The following ZSWIM8 variants were observed in gnomAD, a reference collection of about 807,000 sequenced individuals.
ZSWIM8 encodes the protein zinc finger SWIM-type containing 8.
ZSWIM8 carries 27 observed loss-of-function variants against 173.7 expected under a neutral mutation model. The ratio of observed to expected loss-of-function variants is 0.16; its 90% confidence interval spans 0.11 to 0.21. The LOEUF (loss-of-function observed/expected upper bound fraction) is 0.21, where lower values mean the gene tolerates loss of function less well. ZSWIM8 is among the 10% of genes least tolerant of loss of function. The pLI, the probability that ZSWIM8 is intolerant of heterozygous loss-of-function variation, is 1.00. For missense variants in ZSWIM8, 1,627 were observed against 2,428.8 expected, an observed-to-expected ratio of 0.67 and a Z score of 6.94; for synonymous variants, 958 against 962.0, an observed-to-expected ratio of 1.00 and a Z score of 0.08.
At position 73,801,109 on chromosome 10, in the gene ZSWIM8, C is replaced by T. The variant is rs1366634671; in HGVS notation, c.5215C>T (p.Arg1739Trp). The T allele has an allele frequency of 7.0e-6, 11 of 1,578,526 alleles. No individual in the cohort carries two copies. Among genetic ancestry groups the T allele is most frequent in the African/African-American group, 2.7e-5 (2 of 73,976 alleles). The change falls in exon 25 of 26, where the codon CGG (arginine) becomes TGG (tryptophan). Residue 1739 changes from arginine (R) to tryptophan (W), a missense_variant. By Grantham distance (101) the Arg-to-Trp change is moderately radical. Transcript: ENST00000604729. The surrounding 1 kb of genome is among the most constrained non-coding windows in gnomAD (Gnocchi z 4.9). ...LQEIVMETLQ[R>W]LSPAHAHNHL... ...GGAGATCGTCATGGAGACGCTGCAG[C>T]GGCTGAGTCCCGCTCATGCCCACAA...
intron 19 of ZSWIM8, 36 bp downstream of exon 19, chr10:73,798,106 G>C (rs1565085420): frequency 1.2e-6 from 2 of 1,606,802 alleles, no homozygotes; most frequent in Non-Finnish European, 8.5e-7. Flanking sequence ...ATGGGAGGGG[G>C]ATTAATTGGT....
chr10:73,794,178 C>T lies in ZSWIM8; in HGVS notation c.2657C>T (p.Ala886Val). ...VKLAYQESEVAALLKKIPLGP... is the reference protein window; with the variant it reads ...VKLAYQESEVVALLKKIPLGP... The stretch of plus-strand genomic sequence containing the variant: ...CTGGCATACCAGGAGTCTGAGGTGG[C>T]TGCCCTGCTCAAGAAGATCCCTCTG... Residue 886 changes from alanine (A) to valine (V), a missense_variant, in exon 13 of 26, where the codon GCT becomes GTT. Around this residue, in one of 18 missense-constraint regions of ZSWIM8, gnomAD observed 169 missense variants for 235.3 expected, o/e 0.72. Transcript: ENST00000604729. 6.2e-7 allele frequency: 1 copy of T among 1,614,048 alleles called. No homozygotes were observed. Among genetic ancestry groups the T allele is most frequent in the Non-Finnish European group, 8.5e-7 (1 of 1,179,898 alleles).
chr10:73,799,729 G>A (rs1316362519), intron 21 of ZSWIM8: 5 of 656,138 alleles, frequency 7.6e-6, no homozygotes, highest in South Asian at 1.9e-5. Context: ...TCAGGAGTTC[G>A]AGACCAGCCT....
At position 73,785,825 on chromosome 10, in the gene ZSWIM8, G is replaced by A. The variant is rs1189200061; in HGVS notation, c.-54G>A. ...GGCCTCCCCTCAACCCCCGGCCGGC[G>A]GCCCAGGCCCCGGATCCGCGGGGGG... is the stretch of plus-strand genomic sequence containing the variant. On this transcript the variant is annotated 5_prime_UTR_variant, in exon 1 of 26. Coordinates refer to ENST00000604729, the MANE Select transcript of ZSWIM8 (RefSeq NM_001367799.1). The A allele has an allele frequency of 6.9e-7, 1 of 1,455,334 alleles. No homozygotes were observed. The allele number at this position is 1,455,334 out of a possible 1,614,324, so 90.2% of individuals were successfully genotyped here. A position where few individuals can be genotyped will look rare whatever the true frequency, so the allele number is the denominator to read the frequency against.
In ZSWIM8 at chr10:73,800,691, A is replaced by C. The variant is rs373762723; in HGVS notation, c.5054A>C (p.Asn1685Thr). Residue 1685 changes from asparagine (N) to threonine (T), a missense_variant, in exon 24 of 26, where the codon AAC becomes ACC. By Grantham distance (65) the Asn-to-Thr change is moderately conservative. This residue lies in a region of ZSWIM8 where 30 missense variants were observed against 20.9 expected (regional missense o/e 1.44). Transcript: ENST00000604729. The surrounding 1 kb of genome is among the most constrained non-coding windows in gnomAD (Gnocchi z 4.1). ...LGRRAHNDHP[N>T]NFSRSPPYTD... is the part of the protein sequence containing the mutation. Reference sequence around the variant, plus strand: ...CGCCGGGCACACAACGATCACCCCAACAACTTCTCCCGCTCCCCCCCCTAC... The same window carrying C: ...CGCCGGGCACACAACGATCACCCCACCAACTTCTCCCGCTCCCCCCCCTAC... 7 of 1,613,448 alleles carry C rather than the reference A, an allele frequency of 4.3e-6. No individual in the cohort carries two copies. The East Asian group carries it at 1.6e-4, about 36-fold the overall frequency.
rs750599421 is a variant in ZSWIM8, at chr10:73,797,554, G to T, written c.3611G>T (p.Arg1204Leu). The T allele has an allele frequency of 6.2e-7, 1 of 1,613,914 alleles. No individual in the cohort carries two copies. The highest frequency in any genetic ancestry group is 1.1e-5 in the South Asian group (1 of 91,084). The change falls in exon 18 of 26, where the codon CGC (arginine) becomes CTC (leucine). Residue 1204 changes from arginine to leucine, a missense_variant. Arg to Leu is a moderately radical substitution (Grantham distance 102). Transcript: ENST00000604729. This position sits in a 1 kb window ranked among gnomAD's most constrained non-coding sequence, Gnocchi z 5.6. The part of the protein sequence containing the change: ...SLGSSSSSGS[R>L]RASASGGARA... Reference sequence around the variant, plus strand: ...GGCTCCTCATCCTCCAGTGGAAGTCGCCGGGCCAGTGCCAGTGGAGGAGCC... The same window carrying T: ...GGCTCCTCATCCTCCAGTGGAAGTCTCCGGGCCAGTGCCAGTGGAGGAGCC...
chr10:73,796,678 A>T (rs915968361), intron 15 of ZSWIM8, 96 bp from the exon 16 acceptor site: 1 of 1,513,448 alleles, frequency 6.6e-7, no homozygotes, highest in African/African-American at 1.4e-5. Context: ...GGATGTAGCA[A>T]TTGGCTGTTT....
At position 73,800,421 on chromosome 10, in the gene ZSWIM8, C is replaced by G. The variant is rs1274858109; in HGVS notation, c.4951C>G (p.Gln1651Glu). The G allele has an allele frequency of 6.2e-7, 1 of 1,613,822 alleles. No individual in the cohort carries two copies. Among genetic ancestry groups the G allele is most frequent in the Non-Finnish European group, 8.5e-7 (1 of 1,179,878 alleles). ...FPPPEEETHS[Q>E]PVNPHSLHHL... ...ACCGCCCGAGGAGGAGACACACAGTCAGCCAGTCAATCCCCACAGCCTGCA... is the reference window on the plus strand; with the variant it reads ...ACCGCCCGAGGAGGAGACACACAGTGAGCCAGTCAATCCCCACAGCCTGCA... The change falls in exon 23 of 26, where the codon CAG (glutamine) becomes GAG (glutamate). Residue 1651 changes from glutamine to glutamate, a missense_variant. Gln to Glu is a conservative substitution (Grantham distance 29). Coordinates refer to ENST00000604729, the MANE Select transcript of ZSWIM8 (RefSeq NM_001367799.1). The surrounding 1 kb of genome is among the most constrained non-coding windows in gnomAD (Gnocchi z 4.1).
Position 73,792,645 on chromosome 10 carries a change from C to T in ZSWIM8, c.2106C>T (p.Leu702=). ...LPGDVCTQDD[L]PSTDESGNGL... is the part of the protein sequence containing the mutation. ...GGGATGTCTGTACCCAGGACGACCT[C>T]CCTTCTACAGATGAGAGTGGCAATG... The change falls in exon 10 of 26, where the codon CTC becomes CTT. Residue 702 remains leucine (L), a synonymous_variant. Transcript: ENST00000604729. This position sits in a 1 kb window ranked among gnomAD's most constrained non-coding sequence, Gnocchi z 4.3. 3 of 1,614,036 alleles carry T rather than the reference C, an allele frequency of 1.9e-6. No individual in the cohort carries two copies. Among genetic ancestry groups the T allele is most frequent in the South Asian group, 1.1e-5 (1 of 91,088 alleles).
At position 73,800,235 on chromosome 10, in the gene ZSWIM8, G is replaced by T; in HGVS notation, c.4826-61G>T. The T allele has an allele frequency of 5.0e-6, 8 of 1,611,300 alleles. No individual in the cohort carries two copies. The highest frequency in any genetic ancestry group is 6.8e-6 in the Non-Finnish European group (8 of 1,178,018). Reference sequence around the variant, plus strand: ...GCACACTGGGCAGGGGAGGTGGGGAGGGAATGTTCTTTGTCTCTCTTTGGG... The same window carrying T: ...GCACACTGGGCAGGGGAGGTGGGGATGGAATGTTCTTTGTCTCTCTTTGGG... On this transcript the variant is annotated intron_variant, in intron 22 of 25. Transcript: ENST00000604729. The surrounding 1 kb of genome is among the most constrained non-coding windows in gnomAD (Gnocchi z 4.1).
At chr10:73,799,655 G>A (rs1054369824) in intron 21 of ZSWIM8, 165 bp downstream of exon 21, 7 of 986,466 alleles carry the variant, frequency 7.1e-6, no homozygotes, top group Admixed American at 6.6e-5. Context: ...TGACGGCCGG[G>A]CATGGTGGCT....
At chr10:73,794,400 G>A in intron 13 of ZSWIM8, 70 bp downstream of exon 13, 1 of 1,576,760 alleles carries the variant, frequency 6.3e-7, no homozygotes, top group Non-Finnish European at 8.6e-7. Flanking sequence ...AAGACCAAGA[G>A]CCCCAAGTTT....
In ZSWIM8 at chr10:73,791,846, C is replaced by T. The variant is rs2083427529; in HGVS notation, c.1320-13C>T. On this transcript the variant is annotated splice_polypyrimidine_tract_variant and intron_variant, in intron 9 of 25. Transcript: ENST00000604729. The surrounding 1 kb of genome is among the most constrained non-coding windows in gnomAD (Gnocchi z 6.0). ...GTAGCCCCTCAGCAGCCTCCTGCCC[C>T]TTGTTCCCACAGGCGCCGGGAACTG... The T allele has an allele frequency of 6.7e-7, 1 of 1,499,550 alleles. No individual in the cohort carries two copies. Among genetic ancestry groups the T allele is most frequent in the African/African-American group, 1.4e-5 (1 of 72,212 alleles). The allele number at this position is 1,499,550 out of a possible 1,614,324, so 92.9% of individuals were successfully genotyped here.
In ZSWIM8 at chr10:73,786,097, G is replaced by C. The variant is rs1393559007; in HGVS notation, c.208+11G>C. On this transcript the variant is annotated intron_variant, in intron 1 of 25. Coordinates refer to ENST00000604729, the MANE Select transcript of ZSWIM8 (RefSeq NM_001367799.1). ...GTACCAGAATGCGAGGTGAGAGTGA[G>C]CTGGGGGGAAGAGGAGCGGCAGGCC... 6.5e-7 allele frequency: 1 copy of C among 1,546,770 alleles called. No homozygotes were observed. The highest frequency in any genetic ancestry group is 8.8e-7 in the Non-Finnish European group (1 of 1,142,468).
intron 1 of ZSWIM8, 49 bp downstream of exon 1, chr10:73,786,135 C>A (rs1247352068): frequency 1.4e-6 from 2 of 1,465,768 alleles, no homozygotes; most frequent in East Asian, 5.3e-5. Flanking sequence ...GCTTGGGCCT[C>A]GCTCGGGAGC....
In ZSWIM8 at chr10:73,799,448, C is replaced by T. The variant is rs1194959561; in HGVS notation, c.4623C>T (p.Pro1541=). The T allele has an allele frequency of 1.9e-6, 3 of 1,602,526 alleles. No homozygotes were observed. Among genetic ancestry groups the T allele is most frequent in the African/African-American group, 2.7e-5 (2 of 74,728 alleles). ...AHPAHPMPHM[P]RPAVFPVPSS... is the part of the protein sequence containing the mutation. ...CTGCCCACCCCATGCCTCACATGCCCCGGCCTGCCGTCTTCCCTGTGCCCA... is the reference window on the plus strand; with the variant it reads ...CTGCCCACCCCATGCCTCACATGCCTCGGCCTGCCGTCTTCCCTGTGCCCA... The change falls in exon 21 of 26, where the codon CCC becomes CCT. Residue 1541 remains proline, a synonymous_variant. Transcript: ENST00000604729.
intron 21 of ZSWIM8, 108 bp from the exon 22 acceptor site, chr10:73,799,903 A>C: frequency 2.8e-6 from 2 of 715,678 alleles, no homozygotes; most frequent in Middle Eastern, 9.1e-4. Context: ...ACAGAGCGAG[A>C]CTCTATCTCA....
At chr10:73,799,729 G>C in intron 21 of ZSWIM8, 1 of 656,140 alleles carries the variant, frequency 1.5e-6, no homozygotes, top group South Asian at 1.9e-5. Flanking sequence ...TCAGGAGTTC[G>C]AGACCAGCCT....
At chr10:73,788,915 G>T in intron 2 of ZSWIM8, 92 bp downstream of exon 2, 1 of 1,544,892 alleles carries the variant, frequency 6.5e-7, no homozygotes, top group South Asian at 1.2e-5. Flanking sequence ...CATTGTATTT[G>T]GGGCAGTGGT....
Sources: gnomAD v4.1 joint callset for allele counts on GRCh38, gnomAD v4.1.1 for gene constraint, gnomAD v4.1.1 regional missense constraint, Gnocchi (gnomAD v3.1) non-coding constraint, MANE v1.5 for transcripts, NCBI Gene and HGNC (gene_info 2026-07-23, HGNC 2026-07-21) for gene names.